OXNAD1: variants seen among roughly 807,000 people sequenced by gnomAD.
The protein encoded by OXNAD1 is oxidoreductase NAD-binding domain-containing protein 1.
In OXNAD1, 34 loss-of-function variants were observed where a neutral mutation model predicts 32.9. The observed-to-expected ratio is 1.03, with a 90% CI of 0.79 to 1.38. The LOEUF is 1.38. OXNAD1 is among the 40% of genes most tolerant of loss of function. The pLI, the probability that OXNAD1 is intolerant of heterozygous loss-of-function variation, is 0.00. For missense variants in OXNAD1, 407 were observed against 379.4 expected (o/e 1.07, Z -0.60); for synonymous variants, 134 against 135.2 (o/e 0.99, Z 0.06).
chr3:16,290,547 A>C lies in OXNAD1; in HGVS notation c.290+4099A>C, dbSNP rs933041627. Among the ~76,000 whole-genome samples, 8 of 152,182 alleles carry C rather than the reference A, an allele frequency of 5.3e-5. No individual in the cohort carries two copies. The highest frequency in any genetic ancestry group is 1.2e-4 in the Non-Finnish European group (8 of 68,028). ...AGCAGCAAAAGTAGCTTATTAATGT[A>C]TTTATTTTTTAAACATGGAAATAAT... On this transcript the variant is annotated intron_variant, in intron 5 of 8. Transcript: ENST00000285083. This position sits in a 1 kb window ranked among gnomAD's most constrained non-coding sequence, Gnocchi z 4.2.
At chr3:16,306,542 C>T (rs1292729803), downstream of OXNAD1, among the ~76,000 whole-genome samples, 6 of 85,010 alleles carry the variant, frequency 7.1e-5, no homozygotes, top group Middle Eastern at 6.8e-3. Context: ...AGGTTAATGT[C>T]TTTTATTTTA....
chr3:16,272,565 A>G lies in OXNAD1; in HGVS notation c.183+843A>G, dbSNP rs563215175. Among the ~76,000 whole-genome samples the G allele has an allele frequency of 5.9e-4, 90 of 151,838 alleles. 1 individual carries two copies. The South Asian group carries it at 0.018, about 30-fold the overall frequency. On this transcript the variant is annotated intron_variant, in intron 4 of 8. Coordinates refer to ENST00000285083, the MANE Select transcript of OXNAD1 (RefSeq NM_138381.5). ...ACTTTAATGTAAAGGCATATTGTTT[A>G]GGCCCTACTTTTAAGGCTAACTTCT...
Position 16,304,355 on chromosome 3 carries a change from G to C in OXNAD1, c.*793G>C, listed in dbSNP as rs113541569. The C allele has an allele frequency of 6.6e-6, 1 of 152,230 alleles. No individual in the cohort carries two copies. The highest frequency in any genetic ancestry group is 1.5e-5 in the Non-Finnish European group (1 of 68,042). The allele number at this position is 152,230 out of a possible 1,614,324, so 9.4% of individuals were successfully genotyped here. A position where few individuals can be genotyped will look rare whatever the true frequency, so the allele number is the denominator to read the frequency against. ...GGAAATGTGCTTAGCATTGATTAGG[G>C]GGTAGAGAGCTGTTTCTAAATCCTG... On this transcript the variant is annotated 3_prime_UTR_variant, in exon 9 of 9. Coordinates refer to ENST00000285083, the MANE Select transcript of OXNAD1 (RefSeq NM_138381.5). This position sits in a 1 kb window ranked among gnomAD's most constrained non-coding sequence, Gnocchi z 4.6.
chr3:16,286,401 C>G lies in OXNAD1; in HGVS notation c.243C>G (p.Leu81=), dbSNP rs141555973. The change falls in exon 5 of 9, where the codon CTC becomes CTG. Residue 81 remains leucine, a synonymous_variant. Transcript: ENST00000285083. The stretch of plus-strand genomic sequence containing the variant: ...GTGAGTCACCGTCAGTGAAGAGCCT[C>G]CGCTTGCTTGTTGCTGATCAAGACT... ...AASESPSVKS[L]RLLVADQDFS... is the part of the protein sequence containing the mutation. 2.8e-4 allele frequency: 459 copies of G among 1,613,984 alleles called. No homozygotes were observed. The African/African-American group carries it at 5.7e-3, about 20-fold the overall frequency.
chr3:16,326,929 G>T, intron 9 of OXNAD1: 1 of 1,370,824 alleles, frequency 7.3e-7, no homozygotes, highest in Non-Finnish European at 1.0e-6. Context: ...CCAACTCCCA[G>T]GCAATGAGAG....
rs1376386237 is a variant in OXNAD1, at chr3:16,346,468, C to T, written c.*31-2708C>T. 2.0e-5 allele frequency: 3 copies of T among 152,176 alleles called. No individual in the cohort carries two copies. The highest frequency in any genetic ancestry group is 7.2e-5 in the African/African-American group (3 of 41,444). The allele number at this position is 152,176 out of a possible 1,614,324, so 9.4% of individuals were successfully genotyped here. On this transcript the variant is annotated intron_variant, in intron 9 of 9. Coordinates refer to the OXNAD1 transcript ENST00000606098. The surrounding 1 kb of genome is among the most constrained non-coding windows in gnomAD (Gnocchi z 4.4). ...TTTGTCATCTCATTATCCAAACCGT[C>T]AACAAGTCCAGTCTTCTTGAAAATA... is the stretch of plus-strand genomic sequence containing the variant.
At position 16,301,853 on chromosome 3, in the gene OXNAD1, C is replaced by G; in HGVS notation, c.660C>G (p.Ser220Arg). Reference sequence around the variant, plus strand: ...TATTCTACAGTGCAAAAAATACCAGCGAACTCCTGTTTAAGGTAAGGGAGG... The same window carrying G: ...TATTCTACAGTGCAAAAAATACCAGGGAACTCCTGTTTAAGGTAAGGGAGG... ...IKLFYSAKNT[S>R]ELLFKKNILD... is the part of the protein sequence containing the mutation. The change falls in exon 7 of 9, where the codon AGC becomes AGG. Residue 220 changes from serine to arginine, a missense_variant. Transcript: ENST00000285083. This position sits in a 1 kb window ranked among gnomAD's most constrained non-coding sequence, Gnocchi z 4.1. The G allele has an allele frequency of 2.5e-6, 4 of 1,613,888 alleles. No homozygotes were observed. The highest frequency in any genetic ancestry group is 1.3e-5 in the African/African-American group (1 of 75,030).
chr3:16,338,243 C>A (rs977801547), downstream of OXNAD1, among the ~76,000 whole-genome samples: 4 of 152,184 alleles, frequency 2.6e-5, no homozygotes, highest in Non-Finnish European at 5.9e-5. The surrounding 1 kb of genome is among the most constrained non-coding windows in gnomAD (Gnocchi z 5.3). Context: ...GGTGTCTGCC[C>A]ACACACACCT....
At position 16,322,519 on chromosome 3, in the gene OXNAD1, A is replaced by C. The variant is rs548524451; in HGVS notation, c.*31-14593A>C. 2.9e-4 allele frequency among the ~76,000 whole-genome samples: 44 copies of C among 152,198 alleles called. No individual in the cohort carries two copies. Among genetic ancestry groups the C allele is most frequent in the Non-Finnish European group, 5.3e-4 (36 of 68,040 alleles). ...ATGTGGCCTCAGCCATCAAAGGTGC[A>C]GTGAGCTGAATCCAGGTGATGCCTG... is the stretch of plus-strand genomic sequence containing the variant. On this transcript the variant is annotated intron_variant, in intron 9 of 9. Coordinates refer to the OXNAD1 transcript ENST00000435829. The surrounding 1 kb of genome is among the most constrained non-coding windows in gnomAD (Gnocchi z 6.2).
At position 16,336,061 on chromosome 3, in the gene OXNAD1, A is replaced by G. The variant is rs1050250808; in HGVS notation, c.*31-1051A>G. Among the ~76,000 whole-genome samples, 1 of 152,198 alleles carries G rather than the reference A, an allele frequency of 6.6e-6. No homozygotes were observed. Among genetic ancestry groups the G allele is most frequent in the Non-Finnish European group, 1.5e-5 (1 of 68,042 alleles). Reference sequence around the variant, plus strand: ...AGGTCCTGTTCTCCTACGGCCATGGAAAGTGGAGATCTAGAGGCAGGGTGG... The same window carrying G: ...AGGTCCTGTTCTCCTACGGCCATGGGAAGTGGAGATCTAGAGGCAGGGTGG... On this transcript the variant is annotated intron_variant, in intron 9 of 9. Transcript: ENST00000435829. This position sits in a 1 kb window ranked among gnomAD's most constrained non-coding sequence, Gnocchi z 6.0.
At chr3:16,326,552 A>T (rs781241981) in intron 9 of OXNAD1, among the ~76,000 whole-genome samples, 1 of 152,120 alleles carries the variant, frequency 6.6e-6, no homozygotes, top group Admixed American at 6.6e-5. Flanking sequence ...AATGACTCAC[A>T]GGGCCCCCCA....
In OXNAD1 at chr3:16,316,045, C is replaced by T. The variant is rs2068356631; in HGVS notation, c.*30+12453C>T. On this transcript the variant is annotated intron_variant, in intron 9 of 9. Transcript: ENST00000435829. The surrounding 1 kb of genome is among the most constrained non-coding windows in gnomAD (Gnocchi z 4.5). ...GGGTAACAACTTGACCAATGTTACA[C>T]TGATTAAAATAGCACATAACAAGGG... The T allele has an allele frequency of 1.3e-5, 2 of 152,718 alleles. No homozygotes were observed. Among genetic ancestry groups the T allele is most frequent in the African/African-American group, 4.8e-5 (2 of 41,570 alleles). The allele number at this position is 152,718 out of a possible 1,614,324, so 9.5% of individuals were successfully genotyped here.
In OXNAD1 at chr3:16,320,247, T is replaced by C. The variant is rs1413863237; in HGVS notation, c.*30+16655T>C. Among the ~76,000 whole-genome samples, 1 of 152,228 alleles carries C rather than the reference T, an allele frequency of 6.6e-6. No individual in the cohort carries two copies. The highest frequency in any genetic ancestry group is 2.4e-5 in the African/African-American group (1 of 41,454). ...CTTTGAAGAAGTTTAATATTTGCCT[T>C]GAAAATCACACGCACGTACACAGAG... is the stretch of plus-strand genomic sequence containing the variant. On this transcript the variant is annotated intron_variant, in intron 9 of 9. Transcript: ENST00000435829. The surrounding 1 kb of genome is among the most constrained non-coding windows in gnomAD (Gnocchi z 4.5).
intron 4 of OXNAD1, among the ~76,000 whole-genome samples, chr3:16,272,647 CTTTTTTTTTTTT>C (rs35628992): frequency 0.012 from 1,381 of 112,770 alleles, 29 homozygotes; most frequent in African/African-American, 0.043. Context: ...GCTTAAAGTT[CTTTTTTTTTTTT>C]TTTTTTTTGA....
At chr3:16,308,818 C>A (rs747403999), downstream of OXNAD1, among the ~76,000 whole-genome samples, 35 of 152,270 alleles carry the variant, frequency 2.3e-4, no homozygotes, top group Non-Finnish European at 3.2e-4. The surrounding 1 kb of genome is among the most constrained non-coding windows in gnomAD (Gnocchi z 4.4). Flanking sequence ...CCTAACCTGG[C>A]CCCTTCCAGC....
intron 9 of OXNAD1, among the ~76,000 whole-genome samples, chr3:16,330,140 AC>A (rs2070164368): frequency 6.6e-6 from 1 of 152,170 alleles, no homozygotes; most frequent in African/African-American, 2.4e-5. Flanking sequence ...ACACAACAAA[AC>A]AACCCTGCTT....
intron 9 of OXNAD1, among the ~76,000 whole-genome samples, chr3:16,324,384 TTCC>T (rs2069447112): frequency 1.3e-5 from 2 of 152,192 alleles, no homozygotes; most frequent in South Asian, 4.1e-4. Flanking sequence ...CCAAGGCTTA[TTCC>T]TCCTAACTGA....
chr3:16,285,984 C>G (rs1372335857), intron 4 of OXNAD1, among the ~76,000 whole-genome samples: 1 of 152,164 alleles, frequency 6.6e-6, no homozygotes, highest in East Asian at 1.9e-4. Flanking sequence ...TGATAAGACC[C>G]TGGCTTGTTT....
Position 16,265,827 on chromosome 3 carries a change from T to A in OXNAD1, c.-159+322T>A. On this transcript the variant is annotated intron_variant, in intron 1 of 8. Transcript: ENST00000285083. The surrounding 1 kb of genome is among the most constrained non-coding windows in gnomAD (Gnocchi z 4.8). The stretch of plus-strand genomic sequence containing the variant: ...CACCTGGGAAATAATGAAGAGCTTG[T>A]CTGTCTCCAAAGCCCAGGAACAAAT... 1.0e-6 allele frequency: 1 copy of A among 976,828 alleles called. No individual in the cohort carries two copies. The allele number at this position is 976,828 out of a possible 1,614,324, so 60.5% of individuals were successfully genotyped here. A position where few individuals can be genotyped will look rare whatever the true frequency, so the allele number is the denominator to read the frequency against.
Sources: allele counts gnomAD v4.1 joint callset (sites outside exome capture counted in the v4.1 genomes callset), GRCh38; gene constraint gnomAD v4.1.1; non-coding constraint Gnocchi (gnomAD v3.1); transcripts MANE v1.5; gene names NCBI Gene and HGNC (gene_info 2026-07-23, HGNC 2026-07-21).